The following PRUNE2 variants were observed in gnomAD, a reference collection of about 807,000 sequenced individuals.
PRUNE2 encodes the protein prune homolog 2 with BCH domain, also known as protein prune homolog 2.
A neutral mutation model predicts 252.0 loss-of-function variants in PRUNE2; 164 were observed. The observed-to-expected ratio is 0.65, with a 90% CI of 0.57 to 0.74. The LOEUF (loss-of-function observed/expected upper bound fraction) is 0.74. Ranked by LOEUF, PRUNE2 falls within the 30% of genes least tolerant of loss-of-function variation. The probability of loss-of-function intolerance (pLI) is 0.00; values close to 1 mark genes in which losing one functional copy is unlikely to be tolerated. For missense variants in PRUNE2, 3,495 were observed against 3,711.0 expected, an observed-to-expected ratio of 0.94 and a Z score of 1.51; for synonymous variants, 1,292 against 1,350.2, an observed-to-expected ratio of 0.96 and a Z score of 0.94.
intron 1 of PRUNE2, among the ~76,000 whole-genome samples, chr9:76,901,613 GTCTT>G (rs1329410233): frequency 8.5e-5 from 13 of 152,260 alleles, no homozygotes; most frequent in Middle Eastern, 3.4e-3. Flanking sequence ...ACATGCTGCC[GTCTT>G]TCTTTCTTTT....
chr9:76,774,824 T>G (rs2053564263), intron 6 of PRUNE2, among the ~76,000 whole-genome samples: 1 of 152,164 alleles, frequency 6.6e-6, no homozygotes, highest in African/African-American at 2.4e-5. Context: ...ACAGGGGAGC[T>G]TTAGCACCTT....
intron 5 of PRUNE2, among the ~76,000 whole-genome samples, chr9:76,826,182 G>A (rs911563073): frequency 2.6e-5 from 4 of 152,158 alleles, no homozygotes; most frequent in Non-Finnish European, 4.4e-5. Context: ...ACATTCAAAT[G>A]TACCTTCTCA....
intron 6 of PRUNE2, among the ~76,000 whole-genome samples, chr9:76,807,090 G>T (rs1040778665): frequency 2.0e-5 from 3 of 151,594 alleles, no homozygotes; most frequent in Non-Finnish European, 4.4e-5. Context: ...CTTAGACAGG[G>T]TCTTGCTTTG....
At chr9:76,651,344 A>G (rs578186548) in intron 11 of PRUNE2, among the ~76,000 whole-genome samples, 38 of 152,234 alleles carry the variant, frequency 2.5e-4, no homozygotes, top group Non-Finnish European at 5.0e-4. Flanking sequence ...TGTCGGCTCA[A>G]TGACCATTGG....
At chr9:76,678,006 G>A (rs1037480759) in intron 9 of PRUNE2, among the ~76,000 whole-genome samples, 23 of 152,186 alleles carry the variant, frequency 1.5e-4, no homozygotes, top group African/African-American at 5.3e-4. Flanking sequence ...TGCGCCCAGA[G>A]AACCAGCTCC....
At chr9:76,875,719 A>G (rs2061440166) in intron 1 of PRUNE2, among the ~76,000 whole-genome samples, 1 of 152,228 alleles carries the variant, frequency 6.6e-6, no homozygotes, top group Non-Finnish European at 1.5e-5. Context: ...TTCTCTGCAC[A>G]TAGTAAATAG....
intron 6 of PRUNE2, among the ~76,000 whole-genome samples, chr9:76,812,690 A>G (rs187066168): frequency 6.6e-6 from 1 of 152,328 alleles, no homozygotes; most frequent in East Asian, 1.9e-4. Context: ...GGCAAATAAC[A>G]GAAGGATTTA....
At chr9:76,882,805 G>T (rs553537828) in intron 1 of PRUNE2, among the ~76,000 whole-genome samples, 2 of 152,248 alleles carry the variant, frequency 1.3e-5, no homozygotes, top group East Asian at 1.9e-4. Context: ...CACGAAATTG[G>T]TGGGGACACA....
intron 6 of PRUNE2, among the ~76,000 whole-genome samples, chr9:76,815,327 A>C (rs1200950131): frequency 1.3e-5 from 2 of 152,166 alleles, no homozygotes; most frequent in Non-Finnish European, 2.9e-5. Context: ...AACACCTTAG[A>C]CTGGGTAATG....
At chr9:76,787,544 GTAAAGT>G (rs1337834246) in intron 6 of PRUNE2, 1 of 152,006 alleles carries the variant, frequency 6.6e-6, no homozygotes, top group Non-Finnish European at 1.5e-5. Flanking sequence ...ATCCCAGAAC[GTAAAGT>G]AAAATTTAAA....
Position 76,704,865 on chromosome 9 carries a change from G to A in PRUNE2, c.7409C>T (p.Pro2470Leu), listed in dbSNP as rs755851104. 8.1e-6 allele frequency: 13 copies of A among 1,604,182 alleles called. No homozygotes were observed. The highest frequency in any genetic ancestry group is 2.2e-5 in the East Asian group (1 of 44,616). ...IREDPESVYLPVGAGSNILSP... is the reference protein window; with the variant it reads ...IREDPESVYLLVGAGSNILSP... Reference sequence around the variant, plus strand: ...CAAAATGTTGGAGCCTGCTCCTACCGGCAAATAAACGGACTCAGGGTCTTC... The same window carrying A: ...CAAAATGTTGGAGCCTGCTCCTACCAGCAAATAAACGGACTCAGGGTCTTC... The change falls in exon 8 of 19, where the codon CCG becomes CTG. Residue 2470 changes from proline to leucine, a missense_variant. By Grantham distance (98) the Pro-to-Leu change is moderately conservative (BLOSUM62 -3). Coordinates refer to ENST00000376718, the MANE Select transcript of PRUNE2 (RefSeq NM_015225.3).
intron 14 of PRUNE2, 83 bp from the exon 15 acceptor site, chr9:76,636,640 G>T (rs1840183114): frequency 2.6e-6 from 2 of 763,698 alleles, no homozygotes; most frequent in Admixed American, 4.8e-5. Context: ...TCCTAAATAA[G>T]AATATATATA....
At chr9:76,695,398 A>C (rs1315872218) in intron 9 of PRUNE2, among the ~76,000 whole-genome samples, 1 of 152,226 alleles carries the variant, frequency 6.6e-6, no homozygotes. Flanking sequence ...ACAGATGACC[A>C]AGAAGGAAAA....
rs1374968354 is a variant in PRUNE2, at chr9:76,705,394, T to A, written c.6880A>T (p.Ile2294Leu). ...CTGTGGTCAAAGGCAGCTTCGCTTA[T>A]ATCCAGACAAGTGTCTGAGGCTAGC... Reference protein sequence around the residue: ...ALLASDTCLDISEAAFDHSFS... With the variant: ...ALLASDTCLDLSEAAFDHSFS... The change falls in exon 8 of 19, where the codon ATA (isoleucine) becomes TTA (leucine). Residue 2294 changes from isoleucine to leucine, a missense_variant. Transcript: ENST00000376718. 1 of 1,613,862 alleles carries A rather than the reference T, an allele frequency of 6.2e-7. No individual in the cohort carries two copies. Among genetic ancestry groups the A allele is most frequent in the East Asian group, 2.2e-5 (1 of 44,890 alleles).
intron 4 of PRUNE2, among the ~76,000 whole-genome samples, chr9:76,830,159 C>T (rs2058585941): frequency 1.3e-5 from 2 of 152,030 alleles, no homozygotes; most frequent in East Asian, 1.9e-4. Context: ...AAGAAAACAA[C>T]CATACTGAAG....
At chr9:76,853,527 A>G (rs2060080912) in intron 2 of PRUNE2, among the ~76,000 whole-genome samples, 1 of 152,220 alleles carries the variant, frequency 6.6e-6, no homozygotes, top group Admixed American at 6.5e-5. Flanking sequence ...GCTTCACAGA[A>G]TAGAAAGAGT....
At chr9:76,857,903 C>A (rs1267741223) in intron 1 of PRUNE2, among the ~76,000 whole-genome samples, 2 of 152,098 alleles carry the variant, frequency 1.3e-5, no homozygotes, top group Non-Finnish European at 2.9e-5. Flanking sequence ...TTCACGGAAC[C>A]CAAAAGAGAC....
intron 6 of PRUNE2, chr9:76,739,529 G>A (rs556240693): frequency 6.6e-6 from 1 of 151,750 alleles, no homozygotes; most frequent in Non-Finnish European, 1.5e-5. Flanking sequence ...GATATAGTTT[G>A]TTACTGAATT....
At position 76,846,672 on chromosome 9, in the gene PRUNE2, G is replaced by T; in HGVS notation, c.351C>A (p.Asp117Glu). 6.2e-7 allele frequency: 1 copy of T among 1,613,434 alleles called. No homozygotes were observed. ...TGACAACTGCTGATTCTAAAGTTTT[G>T]TCTTCACTGTAAAGCAAATGGAGGG... ...LVGSSVLASE[D>E]KTLESAVVKV... The change falls in exon 4 of 19, where the codon GAC becomes GAA. Residue 117 changes from aspartate to glutamate, a missense_variant. Coordinates refer to ENST00000376718, the MANE Select transcript of PRUNE2 (RefSeq NM_015225.3).
Sources: gnomAD v4.1 joint callset for allele counts (sites outside exome capture counted in the v4.1 genomes callset) on GRCh38, gnomAD v4.1.1 for gene constraint, MANE v1.5 for transcripts, NCBI Gene and HGNC (gene_info 2026-07-23, HGNC 2026-07-21) for gene names.